The following ST8SIA4 variants were observed in gnomAD, a reference collection of about 807,000 sequenced individuals.
ST8SIA4 encodes the protein CMP-N-acetylneuraminate-poly-alpha-2,8-sialyltransferase.
A neutral mutation model predicts 33.9 loss-of-function variants in ST8SIA4; 15 were observed. The observed-to-expected ratio is 0.44, with a 90% CI of 0.30 to 0.68. The LOEUF (loss-of-function observed/expected upper bound fraction) is 0.68. ST8SIA4 is among the 30% of genes least tolerant of loss of function. The pLI, the probability that ST8SIA4 is intolerant of heterozygous loss-of-function variation, is 0.10. For synonymous variants in ST8SIA4, 171 were observed against 151.2 expected (o/e 1.13, Z -0.96); for missense variants, 321 against 428.0 (o/e 0.75, Z 2.21).
At chr5:100,890,537 A>G (rs991050426) in intron 2 of ST8SIA4, 4 of 152,042 alleles carry the variant, frequency 2.6e-5, no homozygotes, top group Middle Eastern at 3.4e-3. Context: ...AGACACATGA[A>G]TCAACAAAAG....
chr5:100,886,160 A>G, intron 3 of ST8SIA4, 183 bp downstream of exon 3: 1 of 1,388,738 alleles, frequency 7.2e-7, no homozygotes, highest in Non-Finnish European at 9.3e-7. Context: ...TCTTTCAACT[A>G]CGCAATAATT....
chr5:100,849,414 A>G, intron 4 of ST8SIA4: 2 of 985,404 alleles, frequency 2.0e-6, no homozygotes, highest in Non-Finnish European at 2.4e-6. Flanking sequence ...TCTTAGTTAG[A>G]ATTGTTCAAA....
chr5:100,892,845 T>G (rs1330446893), intron 2 of ST8SIA4, among the ~76,000 whole-genome samples: 1 of 151,786 alleles, frequency 6.6e-6, no homozygotes, highest in Non-Finnish European at 1.5e-5. Context: ...CGGGAGGTGA[T>G]GGACAAGGGG....
chr5:100,820,086 T>A (rs1751006863), intron 4 of ST8SIA4, among the ~76,000 whole-genome samples: 1 of 152,196 alleles, frequency 6.6e-6, no homozygotes, highest in Non-Finnish European at 1.5e-5. Context: ...AATGATGTGA[T>A]CTTGGTCAAA....
chr5:100,840,875 T>C (rs1307690039), intron 4 of ST8SIA4, among the ~76,000 whole-genome samples: 1 of 151,700 alleles, frequency 6.6e-6, no homozygotes, highest in Non-Finnish European at 1.5e-5. Flanking sequence ...CAAAAAAGAT[T>C]GTTTCTGTGT....
chr5:100,855,697 A>G (rs1356763809), intron 4 of ST8SIA4, among the ~76,000 whole-genome samples: 2 of 152,226 alleles, frequency 1.3e-5, no homozygotes, highest in African/African-American at 4.8e-5. Context: ...TCTTGGCTAC[A>G]GATGGGACTT....
At chr5:100,892,372 T>G (rs1752689834) in intron 2 of ST8SIA4, among the ~76,000 whole-genome samples, 1 of 152,124 alleles carries the variant, frequency 6.6e-6, no homozygotes. Context: ...ACTAAGATAA[T>G]TATTTTGAGT....
chr5:100,814,118 A>G (rs2112395437), intron 4 of ST8SIA4, among the ~76,000 whole-genome samples: 1 of 152,166 alleles, frequency 6.6e-6, no homozygotes, highest in East Asian at 1.9e-4. Context: ...TGCAATACAA[A>G]TAAGTAACTA....
intron 3 of ST8SIA4, among the ~76,000 whole-genome samples, chr5:100,861,993 A>G (rs1009451874): frequency 6.6e-6 from 1 of 152,330 alleles, no homozygotes; most frequent in Non-Finnish European, 1.5e-5. Context: ...TATTATGATA[A>G]TAAATCTTTT....
chr5:100,889,527 A>T (rs1171318683), intron 2 of ST8SIA4, among the ~76,000 whole-genome samples: 1 of 152,000 alleles, frequency 6.6e-6, no homozygotes, highest in Non-Finnish European at 1.5e-5. Flanking sequence ...TGGTCAAAAA[A>T]GTTAACACAT....
rs1174509089 is a variant in ST8SIA4, at chr5:100,809,976, C to T, written c.*1871G>A. The T allele has an allele frequency of 1.3e-5, 2 of 151,894 alleles. No individual in the cohort carries two copies. Among genetic ancestry groups the T allele is most frequent in the African/African-American group, 4.8e-5 (2 of 41,336 alleles). The allele number at this position is 151,894 out of a possible 1,614,324, so 9.4% of individuals were successfully genotyped here. On this transcript the variant is annotated 3_prime_UTR_variant, in exon 5 of 5. Transcript: ENST00000231461. Reference sequence around the variant, plus strand: ...CCATGGTAACACACACACACACACACGTACTTCATGCTTTTTATTCATTTC... The same window carrying T: ...CCATGGTAACACACACACACACACATGTACTTCATGCTTTTTATTCATTTC...
At chr5:100,851,965 T>C in intron 4 of ST8SIA4, among the ~76,000 whole-genome samples, 2 of 151,344 alleles carry the variant, frequency 1.3e-5, no homozygotes, top group South Asian at 4.2e-4. Context: ...TTTAAACAGG[T>C]TATTAAGATA....
intron 2 of ST8SIA4, among the ~76,000 whole-genome samples, chr5:100,892,811 G>A (rs951089628): frequency 4.0e-5 from 6 of 151,880 alleles, no homozygotes; most frequent in African/African-American, 1.2e-4. Context: ...CACAGGGAGG[G>A]GACCATCACA....
At chr5:100,872,269 A>C (rs1232264849) in intron 3 of ST8SIA4, among the ~76,000 whole-genome samples, 1 of 152,118 alleles carries the variant, frequency 6.6e-6, no homozygotes, top group Non-Finnish European at 1.5e-5. Context: ...CGTATAGATT[A>C]TATAATGATC....
intron 4 of ST8SIA4, among the ~76,000 whole-genome samples, chr5:100,833,891 T>G (rs1478025314): frequency 6.6e-6 from 1 of 152,116 alleles, no homozygotes; most frequent in Non-Finnish European, 1.5e-5. Flanking sequence ...TACTATAATT[T>G]CCTAATAACA....
chr5:100,879,571 T>G (rs1455396029), intron 3 of ST8SIA4, among the ~76,000 whole-genome samples: 1 of 152,208 alleles, frequency 6.6e-6, no homozygotes, highest in African/African-American at 2.4e-5. Context: ...GATGTGCACA[T>G]GTAAAGTAGC....
rs73163660 is a variant in ST8SIA4 at position 100,821,704 on chromosome 5, G to C, written c.798-9575C>G. On this transcript the variant is annotated intron_variant, in intron 4 of 4. Transcript: ENST00000231461. Reference sequence around the variant, plus strand: ...AACTAAACATCAGTCAAGGATCAGAGTTCTCAAATCCCAGCAAATGAATAG... The same window carrying C: ...AACTAAACATCAGTCAAGGATCAGACTTCTCAAATCCCAGCAAATGAATAG... 4.0e-3 allele frequency among the ~76,000 whole-genome samples: 605 copies of C among 152,274 alleles called. 4 individuals carry two copies. Among genetic ancestry groups the C allele is most frequent in the African/African-American group, 0.014 (581 of 41,564 alleles).
intron 4 of ST8SIA4, among the ~76,000 whole-genome samples, chr5:100,854,367 AAGTCAGG>A (rs1289828268): frequency 6.6e-6 from 1 of 152,042 alleles, no homozygotes; most frequent in East Asian, 1.9e-4. Context: ...GTGGATCACG[AAGTCAGG>A]AGATCGAGAC....
intron 4 of ST8SIA4, chr5:100,849,236 A>C: frequency 1.0e-6 from 1 of 985,310 alleles, no homozygotes. Flanking sequence ...TTAGAGCCCA[A>C]AGGAATCTAT....
Sources: allele counts gnomAD v4.1 joint callset (sites outside exome capture counted in the v4.1 genomes callset), GRCh38; gene constraint gnomAD v4.1.1; transcripts MANE v1.5; gene names NCBI Gene and HGNC (gene_info 2026-07-23, HGNC 2026-07-21).